The following SYNPR variants were observed in gnomAD, a reference collection of about 807,000 sequenced individuals.
SYNPR encodes the protein synaptoporin.
SYNPR carries 23 observed loss-of-function variants against 32.9 expected under a neutral mutation model. The ratio of observed to expected loss-of-function variants is 0.70; its 90% CI spans 0.50 to 0.99. SYNPR has a LOEUF of 0.99. Ranked by LOEUF, SYNPR falls within the 50% of genes least tolerant of loss-of-function variation. The pLI, the probability that SYNPR is intolerant of heterozygous loss-of-function variation, is 0.00. For synonymous variants in SYNPR, 146 were observed against 135.9 expected (o/e 1.07, Z -0.52); for missense variants, 318 against 349.3 (o/e 0.91, Z 0.71).
At chr3:63,412,869 A>G (rs530156608) in intron 2 of SYNPR, among the ~76,000 whole-genome samples, 73 of 152,274 alleles carry the variant, frequency 4.8e-4, no homozygotes, top group African/African-American at 1.7e-3. Flanking sequence ...ATAGGATCAG[A>G]TTTGTGTTTT....
chr3:63,260,107 G>A (rs1041189899), intron 2 of SYNPR, among the ~76,000 whole-genome samples: 1 of 152,134 alleles, frequency 6.6e-6, no homozygotes, highest in African/African-American at 2.4e-5. Context: ...CATGCTCATG[G>A]GTAGGAAGAA....
At chr3:63,256,757 G>C (rs958537231) in intron 2 of SYNPR, among the ~76,000 whole-genome samples, 2 of 152,074 alleles carry the variant, frequency 1.3e-5, no homozygotes, top group Admixed American at 6.6e-5. Context: ...GGCTTCAGAT[G>C]ATCAAACTAC....
chr3:63,487,985 C>A (rs942732878), intron 3 of SYNPR, among the ~76,000 whole-genome samples: 1 of 152,116 alleles, frequency 6.6e-6, no homozygotes, highest in Admixed American at 6.6e-5. Context: ...GTCGTTCCCC[C>A]ACCCCTGTTT....
chr3:63,441,033 T>C (rs1231477915), intron 2 of SYNPR, among the ~76,000 whole-genome samples: 2 of 152,174 alleles, frequency 1.3e-5, no homozygotes, highest in Non-Finnish European at 1.5e-5. Context: ...TGCCATCACG[T>C]TGCATCCAAA....
At chr3:63,307,870 A>G (rs912053101) in intron 2 of SYNPR, among the ~76,000 whole-genome samples, 1 of 152,066 alleles carries the variant, frequency 6.6e-6, no homozygotes, top group Non-Finnish European at 1.5e-5. Context: ...GTCTAATTGC[A>G]TTTGGTACTG....
At chr3:63,237,058 T>C (rs946342886) in intron 1 of SYNPR, among the ~76,000 whole-genome samples, 4 of 152,182 alleles carry the variant, frequency 2.6e-5, no homozygotes, top group Non-Finnish European at 4.4e-5. Context: ...ACAGTGTTTA[T>C]TATAAATGGG....
chr3:63,399,474 G>A (rs758991867), intron 2 of SYNPR, among the ~76,000 whole-genome samples: 14 of 152,054 alleles, frequency 9.2e-5, no homozygotes, highest in Non-Finnish European at 1.8e-4. Context: ...TAAGGTGCTG[G>A]CAGATTTGTT....
chr3:63,514,010 C>T (rs533923319), intron 3 of SYNPR, among the ~76,000 whole-genome samples: 1 of 152,222 alleles, frequency 6.6e-6, no homozygotes, highest in South Asian at 2.1e-4. Flanking sequence ...ATGCTCACCA[C>T]CCCCACCACT....
chr3:63,444,626 T>G (rs2107165505), intron 2 of SYNPR, among the ~76,000 whole-genome samples: 1 of 152,244 alleles, frequency 6.6e-6, no homozygotes, highest in East Asian at 1.9e-4. Flanking sequence ...GGCATAGATT[T>G]TTTTCAGGAT....
chr3:63,204,524 G>A, the SYNPR span, among the ~76,000 whole-genome samples: 2 of 152,124 alleles, frequency 1.3e-5, no homozygotes, highest in African/African-American at 4.8e-5. Context: ...TTGAGGTACT[G>A]GGGGTTAGGA....
rs145817627 is a variant in SYNPR at position 63,251,943 on chromosome 3, A to G, written n.67-556A>G. On this transcript the variant is annotated intron_variant and non_coding_transcript_variant, in intron 1 of 4. Transcript: ENST00000478456. The stretch of plus-strand genomic sequence containing the variant: ...TAAAATCAGGTTGAGTAAAAGAAAA[A>G]TAAAGGCAATTAAATGTCTTCCATA... Among the ~76,000 whole-genome samples, 13 of 152,208 alleles carry G rather than the reference A, an allele frequency of 8.5e-5. No individual in the cohort carries two copies. In the East Asian group the frequency reaches 2.5e-3, roughly 30 times the overall value.
At chr3:63,534,631 A>G (rs1430152292) in intron 3 of SYNPR, among the ~76,000 whole-genome samples, 1 of 152,148 alleles carries the variant, frequency 6.6e-6, no homozygotes, top group African/African-American at 2.4e-5. Flanking sequence ...AGTAGTCTAT[A>G]AAGAAAAGAG....
intron 2 of SYNPR, among the ~76,000 whole-genome samples, chr3:63,447,178 A>G (rs1700293304): frequency 6.6e-6 from 1 of 152,232 alleles, no homozygotes; most frequent in Non-Finnish European, 1.5e-5. Flanking sequence ...TTACTTTAAT[A>G]AAATATATTG....
At position 63,611,601 on chromosome 3, in the gene SYNPR, A is replaced by G. The variant is rs150519682; in HGVS notation, c.600+2285A>G. Among the ~76,000 whole-genome samples the G allele has an allele frequency of 4.6e-5, 7 of 152,100 alleles. No homozygotes were observed. In the South Asian group the frequency reaches 6.2e-4, roughly 14 times the overall value. Reference sequence around the variant, plus strand: ...GGAAGCTGGACAGTTCTCATCCTCCATCTCTCATCTCTCTTTCTTTCTGTG... The same window carrying G: ...GGAAGCTGGACAGTTCTCATCCTCCGTCTCTCATCTCTCTTTCTTTCTGTG... On this transcript the variant is annotated intron_variant, in intron 5 of 5. Transcript: ENST00000478300.
intron 2 of SYNPR, among the ~76,000 whole-genome samples, chr3:63,359,868 G>A (rs2087633172): frequency 1.3e-5 from 2 of 152,208 alleles, no homozygotes; most frequent in South Asian, 2.1e-4. Flanking sequence ...AATAACTTTG[G>A]TAAATGTAAG....
At position 63,476,111 on chromosome 3, in the gene SYNPR, G is replaced by GAGGA. The variant is rs765639648; in HGVS notation, c.85-4685_85-4682dup. ...GGGAGGGAGGGAGGAAGGGAGGGGG[G>GAGGA]AGGAAGGAAGGAAGGAAGGAAGGAA... On this transcript the variant is annotated intron_variant, in intron 2 of 5. Coordinates refer to ENST00000478300, the MANE Select transcript of SYNPR (RefSeq NM_001130003.2). Among the ~76,000 whole-genome samples the GAGGA allele has an allele frequency of 3.6e-3, 246 of 67,746 alleles. 1 individual carries two copies. Among genetic ancestry groups the GAGGA allele is most frequent in the Non-Finnish European group, 4.5e-3 (171 of 37,940 alleles). The allele number at this position is 67,746 out of a possible 152,430, so 44.4% of individuals were successfully genotyped here. A position where few individuals can be genotyped will look rare whatever the true frequency, so the allele number is the denominator to read the frequency against.
At chr3:63,385,914 C>A (rs1211712039) in intron 2 of SYNPR, among the ~76,000 whole-genome samples, 3 of 152,156 alleles carry the variant, frequency 2.0e-5, no homozygotes, top group Non-Finnish European at 2.9e-5. Flanking sequence ...AAAAGTTTTG[C>A]ATAGACTATC....
At chr3:63,244,716 A>G (rs1560166735) in intron 1 of SYNPR, among the ~76,000 whole-genome samples, 1 of 152,124 alleles carries the variant, frequency 6.6e-6, no homozygotes, top group Non-Finnish European at 1.5e-5. Context: ...ATTTAGGACT[A>G]TCAATCTATT....
chr3:63,510,937 G>A (rs191251005), intron 3 of SYNPR, among the ~76,000 whole-genome samples: 15 of 69,690 alleles, frequency 2.2e-4, no homozygotes, highest in East Asian at 1.1e-3. Flanking sequence ...GTGTGTGTGC[G>A]CGCACGTTGT....
Sources: gnomAD v4.1 joint callset for allele counts (sites outside exome capture counted in the v4.1 genomes callset) on GRCh38, gnomAD v4.1.1 for gene constraint, MANE v1.5 for transcripts, NCBI Gene and HGNC (gene_info 2026-07-23, HGNC 2026-07-21) for gene names.